The following TTBK2 variants were observed in gnomAD, a reference collection of about 807,000 sequenced individuals.
TTBK2 encodes the protein tau tubulin kinase 2.
A neutral mutation model predicts 110.8 loss-of-function variants in TTBK2; 28 were observed. The observed-to-expected ratio is 0.25, with a 90% CI of 0.19 to 0.35. The LOEUF (loss-of-function observed/expected upper bound fraction) is 0.35, where lower values mean the gene tolerates loss of function less well. TTBK2 is among the 10% of genes least tolerant of loss of function. The pLI is 1.00. For missense variants in TTBK2, 1,369 were observed against 1,500.3 expected, an observed-to-expected ratio of 0.91 and a Z score of 1.45; for synonymous variants, 532 against 527.3, an observed-to-expected ratio of 1.01 and a Z score of -0.12.
At chr15:42,761,118 T>C (rs566953299) in intron 13 of TTBK2, among the ~76,000 whole-genome samples, 1 of 152,280 alleles carries the variant, frequency 6.6e-6, no homozygotes, top group African/African-American at 2.4e-5. Flanking sequence ...CTGGGAAAAC[T>C]GGATATCCAC....
intron 4 of TTBK2, among the ~76,000 whole-genome samples, chr15:42,836,457 C>T (rs1038782080): frequency 5.3e-5 from 8 of 152,032 alleles, no homozygotes; most frequent in African/African-American, 1.9e-4. Flanking sequence ...TTAGCCTAAT[C>T]CCAAATCAAG....
intron 9 of TTBK2, among the ~76,000 whole-genome samples, chr15:42,797,910 G>A (rs1053686491): frequency 6.6e-6 from 1 of 151,832 alleles, no homozygotes; most frequent in Non-Finnish European, 1.5e-5. Context: ...TTGAGACGGA[G>A]TCTCACTTTC....
chr15:42,899,999 T>G (rs1004390248), intron 1 of TTBK2, among the ~76,000 whole-genome samples: 1 of 151,660 alleles, frequency 6.6e-6, no homozygotes, highest in Non-Finnish European at 1.5e-5. Flanking sequence ...AAACTTTTAT[T>G]TTCTCTTTTT....
rs2061760279 is a variant in TTBK2 at position 42,743,070 on chromosome 15, A to G, written c.*2725T>C. 2 of 152,238 alleles carry G rather than the reference A, an allele frequency of 1.3e-5. No individual in the cohort carries two copies. The highest frequency in any genetic ancestry group is 2.9e-5 in the Non-Finnish European group (2 of 68,030). 9.4% of individuals were successfully genotyped at this position (152,238 alleles called of 1,614,324 possible). A position where few individuals can be genotyped will look rare whatever the true frequency, so the allele number is the denominator to read the frequency against. ...AAAACCAAAAAGTAAATCTCTACAT[A>G]GGACAATACTTATAAGCAGACCTAT... On this transcript the variant is annotated 3_prime_UTR_variant, in exon 15 of 15. Coordinates refer to ENST00000267890, the MANE Select transcript of TTBK2 (RefSeq NM_173500.4).
rs2061746881 is a variant in TTBK2, at chr15:42,741,068, A to G, written c.*4727T>C. On this transcript the variant is annotated 3_prime_UTR_variant, in exon 15 of 15. Transcript: ENST00000267890. Reference sequence around the variant, plus strand: ...ATGTACCTCCTACAGTTTTTCTAGCAGTGTTGGACAATGGATTCTAAAGGT... The same window carrying G: ...ATGTACCTCCTACAGTTTTTCTAGCGGTGTTGGACAATGGATTCTAAAGGT... 1 of 152,240 alleles carries G rather than the reference A, an allele frequency of 6.6e-6. No homozygotes were observed. Among genetic ancestry groups the G allele is most frequent in the Non-Finnish European group, 1.5e-5 (1 of 68,044 alleles). 9.4% of individuals were successfully genotyped at this position (152,240 alleles called of 1,614,324 possible).
At chr15:42,780,189 C>CTT (rs892670301) in intron 11 of TTBK2, among the ~76,000 whole-genome samples, 14 of 100,778 alleles carry the variant, frequency 1.4e-4, no homozygotes, top group South Asian at 3.6e-4. Context: ...GCCCGGCTAA[C>CTT]TTTTTTTTTT....
chr15:42,906,968 T>C (rs2030437055), intron 1 of TTBK2, among the ~76,000 whole-genome samples: 1 of 151,732 alleles, frequency 6.6e-6, no homozygotes, highest in African/African-American at 2.4e-5. Flanking sequence ...AAGGATCACT[T>C]GAGCCCAGGA....
intron 6 of TTBK2, among the ~76,000 whole-genome samples, chr15:42,823,469 C>A (rs180830575): frequency 4.1e-4 from 62 of 152,312 alleles, no homozygotes; most frequent in Admixed American, 2.4e-3. Flanking sequence ...AAACACCACA[C>A]TGGTATAACA....
rs553153997 is a variant in TTBK2, at chr15:42,910,525, A to G, written c.-68+9913T>C. Among the ~76,000 whole-genome samples, 11 of 152,374 alleles carry G rather than the reference A, an allele frequency of 7.2e-5. No individual in the cohort carries two copies. In the South Asian group the frequency reaches 2.1e-3, roughly 29 times the overall value. ...ATGAAACTAAATAGTCCTCTGGCAA[A>G]TAACTGGACAGTTGATTTGAAAATT... On this transcript the variant is annotated intron_variant, in intron 1 of 14. Transcript: ENST00000267890.
rs2061736367 is a variant in TTBK2, at chr15:42,739,290, G to A, written c.*6505C>T. 6.6e-6 allele frequency: 1 copy of A among 152,198 alleles called. No homozygotes were observed. The highest frequency in any genetic ancestry group is 1.5e-5 in the Non-Finnish European group (1 of 68,036). The allele number at this position is 152,198 out of a possible 1,614,324, so 9.4% of individuals were successfully genotyped here. On this transcript the variant is annotated 3_prime_UTR_variant, in exon 15 of 15. Coordinates refer to ENST00000267890, the MANE Select transcript of TTBK2 (RefSeq NM_173500.4). ...TGATTTCAGGAAGAGGAGAAGAGAGGGAGAGAAAAGTGGAATTATTAAAGT... is the reference window on the plus strand; with the variant it reads ...TGATTTCAGGAAGAGGAGAAGAGAGAGAGAGAAAAGTGGAATTATTAAAGT...
intron 13 of TTBK2, among the ~76,000 whole-genome samples, chr15:42,770,585 A>C (rs535029567): frequency 6.6e-6 from 1 of 152,292 alleles, no homozygotes; most frequent in South Asian, 2.1e-4. Context: ...ATCCTTTCTG[A>C]CTGTACATAG....
chr15:42,773,748 T>C (rs1889778556), intron 13 of TTBK2, among the ~76,000 whole-genome samples: 1 of 151,988 alleles, frequency 6.6e-6, no homozygotes, highest in Admixed American at 6.6e-5. Flanking sequence ...AAAGTGAACC[T>C]GGGAAGGTGG....
At chr15:42,751,836 G>A in intron 14 of TTBK2, 138 bp downstream of exon 14, 2 of 1,019,932 alleles carry the variant, frequency 2.0e-6, no homozygotes, top group Admixed American at 1.8e-5. Flanking sequence ...ACTGCACTAG[G>A]CTGTAAGGCC....
At chr15:42,784,068 C>T (rs956169087) in intron 10 of TTBK2, among the ~76,000 whole-genome samples, 1 of 148,552 alleles carries the variant, frequency 6.7e-6, no homozygotes, top group Non-Finnish European at 1.5e-5. Flanking sequence ...GCTCAAAAAA[C>T]AAAACAAAAC....
Position 42,779,062 on chromosome 15 carries a change from A to G in TTBK2, c.1198-1820T>C, listed in dbSNP as rs145882091. Among the ~76,000 whole-genome samples the G allele has an allele frequency of 7.2e-5, 11 of 152,340 alleles. No individual in the cohort carries two copies. In the East Asian group the frequency reaches 2.1e-3, roughly 29 times the overall value. On this transcript the variant is annotated intron_variant, in intron 11 of 14. Coordinates refer to ENST00000267890, the MANE Select transcript of TTBK2 (RefSeq NM_173500.4). ...AGAAAAAAACAATTAGAATGACAGT[A>G]AGTTTCTGAACACCAGTGACTGAAG...
At chr15:42,920,190 A>T (rs1054506637) in intron 1 of TTBK2, among the ~76,000 whole-genome samples, 1 of 152,188 alleles carries the variant, frequency 6.6e-6, no homozygotes, top group Non-Finnish European at 1.5e-5. Flanking sequence ...CTCCAAGTTC[A>T]GTGAAGACAC....
chr15:42,745,564 T>G lies in TTBK2; in HGVS notation c.*231A>C. On this transcript the variant is annotated 3_prime_UTR_variant, in exon 15 of 15. Coordinates refer to ENST00000267890, the MANE Select transcript of TTBK2 (RefSeq NM_173500.4). Reference sequence around the variant, plus strand: ...TTTAATGAGTTTCTCCCCCTTGGATTTTTGCTCTATTTTTCCTTCTTGTAC... The same window carrying G: ...TTTAATGAGTTTCTCCCCCTTGGATGTTTGCTCTATTTTTCCTTCTTGTAC... 1.8e-6 allele frequency: 1 copy of G among 568,162 alleles called. No individual in the cohort carries two copies. The highest frequency in any genetic ancestry group is 3.1e-5 in the East Asian group (1 of 32,060). 35.2% of individuals were successfully genotyped at this position (568,162 alleles called of 1,614,324 possible). A position where few individuals can be genotyped will look rare whatever the true frequency, so the allele number is the denominator to read the frequency against.
At chr15:42,801,465 G>A (rs747186064) in intron 9 of TTBK2, 5 of 801,512 alleles carry the variant, frequency 6.2e-6, no homozygotes, top group Non-Finnish European at 1.1e-5. Context: ...TCAGCTTGGA[G>A]CCAGCTGATG....
rs74398902 is a variant in TTBK2, at chr15:42,745,861, G to A, written c.3669C>T (p.His1223=). 2.2e-3 allele frequency: 3,504 copies of A among 1,614,136 alleles called. 49 individuals are homozygous for A. The African/African-American group carries it at 0.039, about 18-fold the overall frequency. Residue 1223 remains histidine (H), a synonymous_variant, in exon 15 of 15, where the codon CAC becomes CAT. Transcript: ENST00000267890. ...KNGLKGSGSL[H]HHSASTKTPQ... is the part of the protein sequence containing the mutation. ...GGGTTTTAGTGCTGGCTGAGTGGTG[G>A]TGGAGGCTGCCGGATCCTTTCAGGC...
Sources: gnomAD v4.1 joint callset for allele counts (sites outside exome capture counted in the v4.1 genomes callset) on GRCh38, gnomAD v4.1.1 for gene constraint, MANE v1.5 for transcripts, NCBI Gene and HGNC (gene_info 2026-07-23, HGNC 2026-07-21) for gene names.